The following SLC35A3 variants were observed in gnomAD, a reference collection of about 807,000 sequenced individuals.
The protein encoded by SLC35A3 is UDP-N-acetylglucosamine transporter.
A neutral mutation model predicts 39.0 loss-of-function variants in SLC35A3; 26 were observed. The observed-to-expected ratio is 0.67, with a 90% CI of 0.49 to 0.92. The LOEUF (loss-of-function observed/expected upper bound fraction) is 0.92, where lower values mean the gene tolerates loss of function less well. Among genes scored for constraint, SLC35A3 ranks in the 40% least tolerant of loss-of-function variants. The pLI, the probability that SLC35A3 is intolerant of heterozygous loss-of-function variation, is 0.00. For missense variants in SLC35A3, 299 were observed against 371.6 expected (o/e 0.80, Z 1.61); for synonymous variants, 135 against 133.1 (o/e 1.01, Z -0.10).
intron 1 of SLC35A3, chr1:99,974,996 TAC>T (rs1657031117): frequency 6.6e-6 from 1 of 151,664 alleles, no homozygotes; most frequent in African/African-American, 2.4e-5. Context: ...TTGGCTGGAG[TAC>T]AGAGGCGCAA....
At chr1:99,997,706 A>G (rs1386901779) in intron 2 of SLC35A3, among the ~76,000 whole-genome samples, 1 of 151,584 alleles carries the variant, frequency 6.6e-6, no homozygotes, top group Non-Finnish European at 1.5e-5. Flanking sequence ...TCTCTTGGAC[A>G]TAATTTTAAT....
chr1:99,997,955 C>T (rs1349049107), intron 2 of SLC35A3, among the ~76,000 whole-genome samples: 3 of 152,084 alleles, frequency 2.0e-5, no homozygotes, highest in Non-Finnish European at 4.4e-5. Flanking sequence ...CTGAAATCCT[C>T]TGGCTCCAGC....
Position 100,022,621 on chromosome 1 carries a change from CAT to C in SLC35A3, c.*146_*147del, listed in dbSNP as rs1403822339. On this transcript the variant is annotated 3_prime_UTR_variant, in exon 8 of 8. Coordinates refer to ENST00000533028, the MANE Select transcript of SLC35A3 (RefSeq NM_012243.3). ...GTTTTTTAAAAGTTTAAGGATAAGA[CAT>C]GTGTATATGTAACAAAACACATTGC... 1.4e-4 allele frequency: 66 copies of C among 455,416 alleles called. No homozygotes were observed. Among genetic ancestry groups the C allele is most frequent in the East Asian group, 1.1e-3 (31 of 28,646 alleles). 28.2% of individuals were successfully genotyped at this position (455,416 alleles called of 1,614,324 possible). A position where few individuals can be genotyped will look rare whatever the true frequency, so the allele number is the denominator to read the frequency against.
rs899892312 is a variant in SLC35A3, at chr1:100,024,006, CAAAAAAAAGAAAA to C, written c.*1540_*1552del. ...TGGGCGACACAGTGAGAGTCTGTCT[CAAAAAAAAGAAAA>C]AAAAAAAAGCTACTGAGAAGGAGCC... On this transcript the variant is annotated 3_prime_UTR_variant, in exon 8 of 8. Coordinates refer to ENST00000533028, the MANE Select transcript of SLC35A3 (RefSeq NM_012243.3). 7.4e-6 allele frequency: 1 copy of C among 135,924 alleles called. No individual in the cohort carries two copies. Among genetic ancestry groups the C allele is most frequent in the Non-Finnish European group, 1.6e-5 (1 of 63,552 alleles). The allele number at this position is 135,924 out of a possible 1,614,324, so 8.4% of individuals were successfully genotyped here. A position where few individuals can be genotyped will look rare whatever the true frequency, so the allele number is the denominator to read the frequency against.
At chr1:99,986,345 T>C (rs1657740780) in intron 1 of SLC35A3, among the ~76,000 whole-genome samples, 1 of 151,794 alleles carries the variant, frequency 6.6e-6, no homozygotes, top group South Asian at 2.1e-4. Context: ...TTGTATTTTT[T>C]AGGAGAGACA....
Position 100,035,325 on chromosome 1 carries a change from G to A in SLC35A3, c.*12849G>A, listed in dbSNP as rs1235436139. 6.6e-6 allele frequency: 1 copy of A among 152,152 alleles called. No homozygotes were observed. The highest frequency in any genetic ancestry group is 1.5e-5 in the Non-Finnish European group (1 of 68,040). The allele number at this position is 152,152 out of a possible 1,614,324, so 9.4% of individuals were successfully genotyped here. A position where few individuals can be genotyped will look rare whatever the true frequency, so the allele number is the denominator to read the frequency against. On this transcript the variant is annotated 3_prime_UTR_variant, in exon 8 of 8. Transcript: ENST00000533028. ...AGGATAGTTGAATCCACAGGATACT[G>A]AGGGCCAGCTGTATTCACAACCCAA...
chr1:99,994,758 G>C (rs546334615), intron 2 of SLC35A3, among the ~76,000 whole-genome samples: 4 of 152,268 alleles, frequency 2.6e-5, no homozygotes, highest in African/African-American at 7.2e-5. Flanking sequence ...AATGAGTAAT[G>C]CTTCAGTAGA....
intron 7 of SLC35A3, among the ~76,000 whole-genome samples, chr1:100,021,606 G>A (rs931593859): frequency 3.3e-5 from 5 of 152,038 alleles, no homozygotes; most frequent in Admixed American, 1.3e-4. Context: ...GGAGGTCGAG[G>A]CTGCAGTGAG....
At position 100,024,407 on chromosome 1, in the gene SLC35A3, T is replaced by C. The variant is rs1245892796; in HGVS notation, c.*1931T>C. The C allele has an allele frequency of 6.6e-6, 1 of 151,360 alleles. No homozygotes were observed. The highest frequency in any genetic ancestry group is 2.1e-4 in the South Asian group (1 of 4,788). 9.4% of individuals were successfully genotyped at this position (151,360 alleles called of 1,614,324 possible). On this transcript the variant is annotated 3_prime_UTR_variant, in exon 8 of 8. Coordinates refer to ENST00000533028, the MANE Select transcript of SLC35A3 (RefSeq NM_012243.3). ...CTCTACTAATAATACAAAAATTAGCTGGGCATGGTGGTGCGCGCCTGTAGT... is the reference window on the plus strand; with the variant it reads ...CTCTACTAATAATACAAAAATTAGCCGGGCATGGTGGTGCGCGCCTGTAGT...
At chr1:99,982,791 A>G (rs529974740) in intron 1 of SLC35A3, among the ~76,000 whole-genome samples, 2 of 152,328 alleles carry the variant, frequency 1.3e-5, no homozygotes, top group South Asian at 4.1e-4. Flanking sequence ...ATTTTCTTGT[A>G]TATTTTCCCC....
At chr1:100,014,107 C>A (rs529570367) in intron 5 of SLC35A3, among the ~76,000 whole-genome samples, 1 of 152,338 alleles carries the variant, frequency 6.6e-6, no homozygotes, top group African/African-American at 2.4e-5. Context: ...AGTTAACTTT[C>A]TCTAACAGTG....
intron 3 of SLC35A3, among the ~76,000 whole-genome samples, chr1:100,001,570 T>C (rs1658803016): frequency 6.6e-6 from 1 of 152,096 alleles, no homozygotes. Context: ...ACAACTGAAT[T>C]TGTTTATCAG....
In SLC35A3 at chr1:100,027,341, A is replaced by G. The variant is rs1281442295; in HGVS notation, c.*4865A>G. On this transcript the variant is annotated 3_prime_UTR_variant, in exon 8 of 8. Transcript: ENST00000533028. ...TGGGCATGCACCTGTGGGGCCAGCT[A>G]CTCAGGAGGCTGAGGCAGAAGGATT... 2.6e-6 allele frequency: 1 copy of G among 391,708 alleles called. No individual in the cohort carries two copies. Among genetic ancestry groups the G allele is most frequent in the Non-Finnish European group, 4.5e-6 (1 of 222,166 alleles). The allele number at this position is 391,708 out of a possible 1,614,324, so 24.3% of individuals were successfully genotyped here.
At chr1:99,994,279 G>A (rs550827140) in intron 2 of SLC35A3, among the ~76,000 whole-genome samples, 46 of 152,152 alleles carry the variant, frequency 3.0e-4, no homozygotes, top group African/African-American at 1.0e-3. Context: ...ACTATTTGTA[G>A]TGTACACTTC....
rs980711757 is a variant in SLC35A3 at position 100,034,122 on chromosome 1, A to AT, written c.*11653dup. 2.0e-5 allele frequency: 3 copies of AT among 151,938 alleles called. No homozygotes were observed. The highest frequency in any genetic ancestry group is 4.8e-5 in the African/African-American group (2 of 41,356). 9.4% of individuals were successfully genotyped at this position (151,938 alleles called of 1,614,324 possible). A position where few individuals can be genotyped will look rare whatever the true frequency, so the allele number is the denominator to read the frequency against. ...TCATCAAGAAGTGTGGCACCACTTGATTTTTTTCCCTTTTGGAAATGACAT... is the reference window on the plus strand; with the variant it reads ...TCATCAAGAAGTGTGGCACCACTTGATTTTTTTTCCCTTTTGGAAATGACAT... On this transcript the variant is annotated 3_prime_UTR_variant, in exon 8 of 8. Coordinates refer to ENST00000533028, the MANE Select transcript of SLC35A3 (RefSeq NM_012243.3).
chr1:100,029,177 T>C lies in SLC35A3; in HGVS notation c.*6701T>C. The C allele has an allele frequency of 6.6e-6, 1 of 152,196 alleles. No individual in the cohort carries two copies. Among genetic ancestry groups the C allele is most frequent in the East Asian group, 1.9e-4 (1 of 5,190 alleles). The allele number at this position is 152,196 out of a possible 1,614,324, so 9.4% of individuals were successfully genotyped here. ...CATCTGCCCCTCCCTGGAGATCTGG[T>C]TGACATCAAGACTTCAGGGCCTCAC... On this transcript the variant is annotated 3_prime_UTR_variant, in exon 8 of 8. Coordinates refer to ENST00000533028, the MANE Select transcript of SLC35A3 (RefSeq NM_012243.3).
At chr1:100,006,821 A>G (rs1389413514) in intron 3 of SLC35A3, among the ~76,000 whole-genome samples, 2 of 152,210 alleles carry the variant, frequency 1.3e-5, no homozygotes, top group Non-Finnish European at 2.9e-5. Flanking sequence ...GGTTCAATTC[A>G]TTTTGCATTA....
At chr1:99,970,379 G>A in intron 1 of SLC35A3, 1 of 598,056 alleles carries the variant, frequency 1.7e-6, no homozygotes, top group Non-Finnish European at 3.0e-6. Context: ...TCCGACGGAC[G>A]ACGTGCGGAA....
At chr1:100,000,270 A>C (rs574776322) in intron 3 of SLC35A3, among the ~76,000 whole-genome samples, 6 of 152,226 alleles carry the variant, frequency 3.9e-5, no homozygotes, top group Admixed American at 1.3e-4. Context: ...GATAATAGCT[A>C]TTCTAACGGG....
Sources: allele counts gnomAD v4.1 joint callset (sites outside exome capture counted in the v4.1 genomes callset), GRCh38; gene constraint gnomAD v4.1.1; transcripts MANE v1.5; gene names NCBI Gene and HGNC (gene_info 2026-07-23, HGNC 2026-07-21).